Variants in PLEKHA8 observed in about 807,000 individuals in gnomAD.
The protein encoded by PLEKHA8 is pleckstrin homology domain-containing family A member 8.
A neutral mutation model predicts 68.2 loss-of-function variants in PLEKHA8; 36 were observed. That is an observed-to-expected ratio of 0.53 (90% CI 0.40 to 0.70). PLEKHA8 has a LOEUF of 0.70. PLEKHA8 is among the 30% of genes least tolerant of loss of function. PLEKHA8 has a pLI of 0.00. For missense variants in PLEKHA8, 505 were observed against 615.4 expected (o/e 0.82, Z 1.90); for synonymous variants, 211 against 216.1 (o/e 0.98, Z 0.20).
At chr7:30,118,542 C>T (rs560480769) in intron 13 of PLEKHA8, among the ~76,000 whole-genome samples, 1 of 152,040 alleles carries the variant, frequency 6.6e-6, no homozygotes, top group South Asian at 2.1e-4. Flanking sequence ...CTGCTTCTTA[C>T]TGCATATCTT....
At chr7:30,030,945 A>G (rs1790614664) in intron 1 of PLEKHA8, among the ~76,000 whole-genome samples, 1 of 152,228 alleles carries the variant, frequency 6.6e-6, no homozygotes, top group Admixed American at 6.5e-5. Flanking sequence ...TAAAATACAT[A>G]CAATCCCAAT....
chr7:30,073,529 G>C (rs1463415009), intron 12 of PLEKHA8, among the ~76,000 whole-genome samples: 1 of 129,890 alleles, frequency 7.7e-6, no homozygotes, highest in Non-Finnish European at 1.6e-5. Context: ...TATATTGATT[G>C]ACCCAGAGTA....
intron 13 of PLEKHA8, chr7:30,117,953 G>A (rs1250848405): frequency 7.9e-6 from 12 of 1,511,870 alleles, no homozygotes; most frequent in Non-Finnish European, 1.1e-5. Flanking sequence ...ACTGAGACGT[G>A]GATTCATTTC....
At chr7:30,109,102 C>A (rs1796173137) in intron 13 of PLEKHA8, among the ~76,000 whole-genome samples, 1 of 152,088 alleles carries the variant, frequency 6.6e-6, no homozygotes, top group Non-Finnish European at 1.5e-5. Context: ...TACCGTTAGT[C>A]ATCTCTAATT....
At chr7:30,042,990 C>T (rs1226252463) in intron 1 of PLEKHA8, among the ~76,000 whole-genome samples, 1 of 136,932 alleles carries the variant, frequency 7.3e-6, no homozygotes, top group African/African-American at 2.7e-5. Flanking sequence ...AAGCCAAGGT[C>T]TAGAAGCATC....
At chr7:30,030,970 A>C (rs1790616497) in intron 1 of PLEKHA8, among the ~76,000 whole-genome samples, 2 of 152,132 alleles carry the variant, frequency 1.3e-5, no homozygotes. Flanking sequence ...GTTTTTGTTC[A>C]TTCTGAATTT....
At chr7:30,124,604 G>T (rs781492650) in intron 13 of PLEKHA8, among the ~76,000 whole-genome samples, 16 of 152,060 alleles carry the variant, frequency 1.1e-4, no homozygotes, top group Non-Finnish European at 1.9e-4. Flanking sequence ...CAATGTAAAA[G>T]GTTATTCATT....
intron 1 of PLEKHA8, among the ~76,000 whole-genome samples, chr7:30,040,659 A>G (rs1001077915): frequency 2.6e-5 from 4 of 152,224 alleles, no homozygotes; most frequent in African/African-American, 9.6e-5. Flanking sequence ...TAAATGCTGG[A>G]TTGCCAAAAA....
rs796845171 is a variant in PLEKHA8 at position 30,056,312 on chromosome 7, C to CTCTCTCTCTCTCTCTA, written c.1039+971_1039+972insCTCTCTCTCTCTCTAT. ...TCTCTCTCTCTCTCTCTCTCTCTCT[C>CTCTCTCTCTCTCTCTA]TATATATATATATATATATAAATAA... is the stretch of plus-strand genomic sequence containing the variant. On this transcript the variant is annotated intron_variant, in intron 9 of 13. Transcript: ENST00000449726. 5.4e-3 allele frequency among the ~76,000 whole-genome samples: 515 copies of CTCTCTCTCTCTCTCTA among 94,506 alleles called. 18 individuals carry two copies. Among genetic ancestry groups the CTCTCTCTCTCTCTCTA allele is most frequent in the Non-Finnish European group, 7.0e-3 (333 of 47,258 alleles). The allele number at this position is 94,506 out of a possible 152,430, so 62.0% of individuals were successfully genotyped here. A position where few individuals can be genotyped will look rare whatever the true frequency, so the allele number is the denominator to read the frequency against.
chr7:30,125,769 T>G (rs975119149), intron 13 of PLEKHA8, among the ~76,000 whole-genome samples: 6 of 152,222 alleles, frequency 3.9e-5, no homozygotes, highest in Non-Finnish European at 7.3e-5. Flanking sequence ...CTGAATCTCT[T>G]TACTTCATAT....
At chr7:30,074,640 A>G (rs961110141) in intron 13 of PLEKHA8, among the ~76,000 whole-genome samples, 4 of 152,136 alleles carry the variant, frequency 2.6e-5, no homozygotes, top group African/African-American at 7.2e-5. Flanking sequence ...TCTGCTGCCC[A>G]TTGTATTCAT....
downstream of PLEKHA8, among the ~76,000 whole-genome samples, chr7:30,093,748 C>T (rs1312241038): frequency 6.6e-6 from 1 of 152,218 alleles, no homozygotes; most frequent in African/African-American, 2.4e-5. Flanking sequence ...TTCTGAGTCT[C>T]CTAAGCTCAG....
intron 9 of PLEKHA8, among the ~76,000 whole-genome samples, chr7:30,060,567 T>C (rs575720794): frequency 6.6e-6 from 1 of 152,332 alleles, no homozygotes; most frequent in Admixed American, 6.5e-5. Flanking sequence ...ACGCTGCAAG[T>C]ACTAACTAGC....
rs56796780 is a variant in PLEKHA8 at position 30,034,010 on chromosome 7, C to CTTTT, written c.40+5237_40+5240dup. 7.2e-4 allele frequency among the ~76,000 whole-genome samples: 25 copies of CTTTT among 34,662 alleles called. 5 individuals are homozygous for CTTTT. The highest frequency in any genetic ancestry group is 1.9e-3 in the African/African-American group (15 of 7,894). 22.7% of individuals were successfully genotyped at this position (34,662 alleles called of 152,430 possible). A position where few individuals can be genotyped will look rare whatever the true frequency, so the allele number is the denominator to read the frequency against. The stretch of plus-strand genomic sequence containing the variant: ...TTCATTACAGAGTTGTAAGAGGTTT[C>CTTTT]TTTTTTTTTTTTTTTTTTTTTTTTT... On this transcript the variant is annotated intron_variant, in intron 1 of 13. Transcript: ENST00000449726.
intron 1 of PLEKHA8, among the ~76,000 whole-genome samples, chr7:30,036,367 ATAGT>A (rs1417012112): frequency 2.0e-5 from 3 of 152,090 alleles, no homozygotes; most frequent in Non-Finnish European, 4.4e-5. Context: ...TCACAAATAG[ATAGT>A]GTAAGATTCT....
intron 13 of PLEKHA8, among the ~76,000 whole-genome samples, chr7:30,101,200 GAAAGA>G (rs974666651): frequency 1.3e-4 from 20 of 151,210 alleles, no homozygotes; most frequent in African/African-American, 4.1e-4. Context: ...AAAGAAGAAA[GAAAGA>G]AAAGAAAAGT....
intron 13 of PLEKHA8, among the ~76,000 whole-genome samples, chr7:30,105,063 TATC>T (rs1424090934): frequency 6.6e-6 from 1 of 152,120 alleles, no homozygotes; most frequent in Non-Finnish European, 1.5e-5. Context: ...GAATGATCTA[TATC>T]TTGCTAGTGG....
At chr7:30,070,102 G>A (rs4722968) in intron 12 of PLEKHA8, among the ~76,000 whole-genome samples, 8 of 151,776 alleles carry the variant, frequency 5.3e-5, no homozygotes, top group Non-Finnish European at 1.2e-4. Flanking sequence ...TATTTGCAGC[G>A]TAGAAGTCAG....
chr7:30,127,995 A>G (rs1453924459), intron 13 of PLEKHA8, among the ~76,000 whole-genome samples: 1 of 146,906 alleles, frequency 6.8e-6, no homozygotes, highest in African/African-American at 2.5e-5. Flanking sequence ...CTTTAAAGTT[A>G]TTTGCCTATT....
Sources: allele counts gnomAD v4.1 joint callset (sites outside exome capture counted in the v4.1 genomes callset), GRCh38; gene constraint gnomAD v4.1.1; transcripts MANE v1.5; gene names NCBI Gene and HGNC (gene_info 2026-07-23, HGNC 2026-07-21).